The following PDGFC variants were observed in gnomAD, a reference collection of about 807,000 sequenced individuals.
PDGFC encodes the protein platelet-derived growth factor C.
A neutral mutation model predicts 35.5 loss-of-function variants in PDGFC; 12 were observed. The ratio of observed to expected loss-of-function variants is 0.34; its 90% CI spans 0.22 to 0.55. PDGFC has a LOEUF of 0.55. PDGFC is among the 20% of genes least tolerant of loss of function. PDGFC has a pLI of 0.91. For missense variants in PDGFC, 322 were observed against 412.4 expected (o/e 0.78, Z 1.90); for synonymous variants, 159 against 148.8 (o/e 1.07, Z -0.50).
rs750915881 is a variant in PDGFC, at chr4:156,837,819, T to C, written c.314+12402A>G. Among the ~76,000 whole-genome samples, 6 of 151,880 alleles carry C rather than the reference T, an allele frequency of 4.0e-5. No individual in the cohort carries two copies. In the South Asian group the frequency reaches 1.2e-3, roughly 32 times the overall value. On this transcript the variant is annotated intron_variant, in intron 2 of 5. Transcript: ENST00000502773. ...GACAGTGGTTGAGCCAGACAGGAGG[T>C]TGGGAGTTACAGGACACTTTCTTTC...
chr4:156,899,701 G>A (rs937799561), intron 1 of PDGFC, among the ~76,000 whole-genome samples: 1 of 152,160 alleles, frequency 6.6e-6, no homozygotes, highest in African/African-American at 2.4e-5. Context: ...TGTAATCCCA[G>A]CTACTAGGGA....
chr4:156,844,456 A>G (rs925871086), intron 2 of PDGFC, among the ~76,000 whole-genome samples: 6 of 152,168 alleles, frequency 3.9e-5, no homozygotes, highest in Admixed American at 1.3e-4. Flanking sequence ...AAATATCCAT[A>G]CAAACAATCC....
At chr4:156,833,263 G>A (rs893585582) in intron 2 of PDGFC, among the ~76,000 whole-genome samples, 2 of 152,156 alleles carry the variant, frequency 1.3e-5, no homozygotes, top group Admixed American at 6.5e-5. Context: ...TAAAAGGTTC[G>A]CTGAGGCAGA....
intron 1 of PDGFC, among the ~76,000 whole-genome samples, chr4:156,951,935 C>T (rs1173830310): frequency 6.6e-6 from 1 of 151,702 alleles, no homozygotes; most frequent in Non-Finnish European, 1.5e-5. Context: ...AAAGAGTATT[C>T]TTCTTCCAAG....
chr4:156,898,123 C>T (rs1730680259), intron 1 of PDGFC, among the ~76,000 whole-genome samples: 1 of 152,108 alleles, frequency 6.6e-6, no homozygotes. Flanking sequence ...GTGGAGGCCT[C>T]ATGAAGGCAA....
intron 2 of PDGFC, among the ~76,000 whole-genome samples, chr4:156,814,812 T>G (rs1732035563): frequency 6.6e-6 from 1 of 152,178 alleles, no homozygotes; most frequent in Non-Finnish European, 1.5e-5. Flanking sequence ...AACACTTTAT[T>G]AAGAAACAAA....
intron 1 of PDGFC, among the ~76,000 whole-genome samples, chr4:156,893,337 A>ATTT (rs11365318): frequency 6.8e-6 from 1 of 147,592 alleles, no homozygotes; most frequent in Non-Finnish European, 1.5e-5. Context: ...CTCTAACTAG[A>ATTT]TTTTTTTTTT....
chr4:156,952,564 G>A (rs1007280477), intron 1 of PDGFC, among the ~76,000 whole-genome samples: 3 of 151,738 alleles, frequency 2.0e-5, no homozygotes, highest in Admixed American at 6.6e-5. Flanking sequence ...CACACAAAAC[G>A]TGAAAATCAA....
In PDGFC at chr4:156,954,787, G is replaced by C. The variant is rs532195849; in HGVS notation, c.118+15999C>G. On this transcript the variant is annotated intron_variant, in intron 1 of 5. Transcript: ENST00000502773. ...CTTAAAATGAAGCCAGACGTTAGGC[G>C]CATCCCCCAGCTGTGAAATAAGGCA... 1.5e-4 allele frequency among the ~76,000 whole-genome samples: 23 copies of C among 152,026 alleles called. No homozygotes were observed. The South Asian group carries it at 4.6e-3, about 30-fold the overall frequency.
intron 1 of PDGFC, among the ~76,000 whole-genome samples, chr4:156,912,104 C>T (rs552288767): frequency 2.0e-5 from 3 of 152,018 alleles, no homozygotes; most frequent in African/African-American, 4.8e-5. Flanking sequence ...AGAACTTACA[C>T]GATGATTTTT....
At chr4:156,771,361 G>A (rs1471420437) in intron 4 of PDGFC, among the ~76,000 whole-genome samples, 1 of 152,126 alleles carries the variant, frequency 6.6e-6, no homozygotes, top group Admixed American at 6.6e-5. Context: ...CTTCAAATTT[G>A]CTAACAAGGG....
At chr4:156,775,847 T>C (rs1730814071) in intron 3 of PDGFC, among the ~76,000 whole-genome samples, 1 of 152,048 alleles carries the variant, frequency 6.6e-6, no homozygotes, top group Admixed American at 6.5e-5. Context: ...ATTTGATAAA[T>C]TTAGAAAGAC....
chr4:156,919,921 T>C (rs1416871403), intron 1 of PDGFC, among the ~76,000 whole-genome samples: 1 of 152,196 alleles, frequency 6.6e-6, no homozygotes, highest in African/African-American at 2.4e-5. Flanking sequence ...GTTTGGATCA[T>C]GAGTGTCAGT....
At chr4:156,896,809 TA>T (rs1730643619) in intron 1 of PDGFC, among the ~76,000 whole-genome samples, 2 of 152,132 alleles carry the variant, frequency 1.3e-5, no homozygotes, top group African/African-American at 2.4e-5. Flanking sequence ...AGGCGGCCAC[TA>T]AAAGACACTT....
At position 156,897,384 on chromosome 4, in the gene PDGFC, C is replaced by G. The variant is rs199564880; in HGVS notation, c.119-46968G>C. ...TGTGTGTGTGTGTGTGTGTGTGTGT[C>G]AAAAGCATTATTTCGAACTCAACAC... On this transcript the variant is annotated intron_variant, in intron 1 of 5. Transcript: ENST00000502773. Among the ~76,000 whole-genome samples the G allele has an allele frequency of 2.0e-4, 13 of 65,776 alleles. No individual in the cohort carries two copies. In the East Asian group the frequency reaches 3.3e-3, roughly 16 times the overall value. The allele number at this position is 65,776 out of a possible 152,430, so 43.2% of individuals were successfully genotyped here.
chr4:156,849,648 T>A (rs1228172261), intron 2 of PDGFC, among the ~76,000 whole-genome samples: 3 of 152,114 alleles, frequency 2.0e-5, no homozygotes, highest in African/African-American at 4.8e-5. Context: ...GCTTCTAGGA[T>A]AATTATGACG....
intron 3 of PDGFC, among the ~76,000 whole-genome samples, chr4:156,795,918 C>T (rs1040741609): frequency 6.6e-6 from 1 of 152,248 alleles, no homozygotes; most frequent in East Asian, 1.9e-4. Context: ...TCTTAGTATC[C>T]TAAAACTTCA....
chr4:156,936,303 G>T (rs1376066367), intron 1 of PDGFC, among the ~76,000 whole-genome samples: 1 of 152,132 alleles, frequency 6.6e-6, no homozygotes, highest in African/African-American at 2.4e-5. Flanking sequence ...CTCAAGAATG[G>T]ATCAAAATTG....
At chr4:156,791,328 T>C (rs998673087) in intron 3 of PDGFC, among the ~76,000 whole-genome samples, 11 of 152,226 alleles carry the variant, frequency 7.2e-5, no homozygotes, top group African/African-American at 2.7e-4. Context: ...ATCATTCCTG[T>C]AAAAGAGTAC....
Sources: allele counts gnomAD v4.1 joint callset (sites outside exome capture counted in the v4.1 genomes callset), GRCh38; gene constraint gnomAD v4.1.1; transcripts MANE v1.5; gene names NCBI Gene and HGNC (gene_info 2026-07-23, HGNC 2026-07-21).